ACTR10: variants seen among roughly 807,000 people sequenced by gnomAD.
ACTR10 encodes actin related protein 10.
Under a neutral mutation model 56.2 loss-of-function variants are expected in ACTR10, and 43 were observed. The observed-to-expected ratio is 0.77, with a 90% CI of 0.60 to 0.99. The LOEUF (loss-of-function observed/expected upper bound fraction) is 0.99, where lower values mean the gene tolerates loss of function less well. ACTR10 is among the 50% of genes least tolerant of loss of function. The pLI is 0.00. For missense variants in ACTR10, 466 were observed against 507.8 expected, an observed-to-expected ratio of 0.92 and a Z score of 0.79; for synonymous variants, 170 against 176.3, an observed-to-expected ratio of 0.96 and a Z score of 0.28.
intron 7 of ACTR10, among the ~76,000 whole-genome samples, chr14:58,216,560 A>G (rs994905768): frequency 1.3e-5 from 2 of 152,306 alleles, no homozygotes; most frequent in African/African-American, 4.8e-5. Context: ...TCTACCTCTT[A>G]TCCTTAGGTC....
chr14:58,225,063 G>A (rs1461667565), intron 10 of ACTR10, among the ~76,000 whole-genome samples: 1 of 152,010 alleles, frequency 6.6e-6, no homozygotes, highest in African/African-American at 2.4e-5. Flanking sequence ...TCTATAGTTG[G>A]AATACAAAAT....
rs1889061175 is a variant in ACTR10 at position 58,213,814 on chromosome 14, C to A, written c.518+116C>A. The A allele has an allele frequency of 5.7e-6, 4 of 701,492 alleles. No individual in the cohort carries two copies. In the East Asian group the frequency reaches 1.2e-4, roughly 20 times the overall value. The allele number at this position is 701,492 out of a possible 1,614,324, so 43.5% of individuals were successfully genotyped here. ...TGTGATACGGACAGTGAATTTTATT[C>A]ATTCCGCCCTCTATTAGCTTCGAGT... On this transcript the variant is annotated intron_variant, in intron 6 of 12. Coordinates refer to ENST00000254286, the MANE Select transcript of ACTR10 (RefSeq NM_018477.3).
At position 58,223,653 on chromosome 14, in the gene ACTR10, A is replaced by T; in HGVS notation, c.666A>T (p.Arg222=). 1.2e-6 allele frequency: 2 copies of T among 1,613,560 alleles called. No individual in the cohort carries two copies. ...CTTGCTTTGTAAGTGATCTGAAGCG[A>T]GGACTAAAAATCCAAGCAGCAAAAT... ...ARTCFVSDLK[R]GLKIQAAKFN... The change falls in exon 9 of 13, where the codon CGA becomes CGT. Residue 222 remains arginine, a synonymous_variant. Transcript: ENST00000254286.
rs1283618023 is a variant in ACTR10 at position 58,231,915 on chromosome 14, C to T, written c.871-151C>T. The stretch of plus-strand genomic sequence containing the variant: ...TACATGAAAGAAACCTTGCTGTGGC[C>T]CTTTTTGCGATACAAACGATCACCT... On this transcript the variant is annotated intron_variant, in intron 11 of 12. Coordinates refer to ENST00000254286, the MANE Select transcript of ACTR10 (RefSeq NM_018477.3). 1.3e-5 allele frequency: 5 copies of T among 376,574 alleles called. No homozygotes were observed. The Admixed American group carries it at 2.2e-4, about 17-fold the overall frequency. The allele number at this position is 376,574 out of a possible 1,614,324, so 23.3% of individuals were successfully genotyped here. A position where few individuals can be genotyped will look rare whatever the true frequency, so the allele number is the denominator to read the frequency against.
In ACTR10 at chr14:58,234,406, G is replaced by A; in HGVS notation, c.1109G>A (p.Ser370Asn). 1 of 1,607,722 alleles carries A rather than the reference G, an allele frequency of 6.2e-7. No homozygotes were observed. The highest frequency in any genetic ancestry group is 1.7e-5 in the Admixed American group (1 of 59,674). The change falls in exon 13 of 13, where the codon AGC (serine) becomes AAC (asparagine). Residue 370 changes from serine to asparagine, a missense_variant. By Grantham distance (46) the Ser-to-Asn change is conservative (BLOSUM62 1). Coordinates refer to ENST00000254286, the MANE Select transcript of ACTR10 (RefSeq NM_018477.3). The stretch of plus-strand genomic sequence containing the variant: ...GGAGCATTACAAGATATACTTGGGA[G>A]CCGTTCTGTTTCAAAGGAATATTAT... ...IFGALQDILG[S>N]RSVSKEYYNQ...
rs35498207 is a variant in ACTR10, at chr14:58,228,681, CTTTTTTTTT to C, written c.789-1688_789-1680del. On this transcript the variant is annotated intron_variant, in intron 10 of 12. Transcript: ENST00000254286. ...TAACTACATCTAGTTGCAAGACAGA[CTTTTTTTTT>C]TTTTTTTTTTTTTTTTTTTTTTTTT... 2.7e-4 allele frequency among the ~76,000 whole-genome samples: 11 copies of C among 40,790 alleles called. No individual in the cohort carries two copies. In the East Asian group the frequency reaches 2.9e-3, roughly 11 times the overall value. The allele number at this position is 40,790 out of a possible 152,430, so 26.8% of individuals were successfully genotyped here. A position where few individuals can be genotyped will look rare whatever the true frequency, so the allele number is the denominator to read the frequency against.
At chr14:58,221,280 TAAAAA>T (rs35943337) in intron 8 of ACTR10, among the ~76,000 whole-genome samples, 3 of 108,284 alleles carry the variant, frequency 2.8e-5, no homozygotes, top group Non-Finnish European at 3.7e-5. Flanking sequence ...AGACTCTGTC[TAAAAA>T]AAAAAAAAAA....
intron 6 of ACTR10, 74 bp downstream of exon 6, chr14:58,213,772 G>C: frequency 1.7e-6 from 2 of 1,148,520 alleles, no homozygotes; most frequent in Non-Finnish European, 2.6e-6. Flanking sequence ...TTGTTGATCA[G>C]TGATCAATAG....
chr14:58,221,092 GC>G (rs1451743339), intron 8 of ACTR10, among the ~76,000 whole-genome samples: 2 of 148,902 alleles, frequency 1.3e-5, no homozygotes, highest in African/African-American at 2.5e-5. Flanking sequence ...GACCATTCTG[GC>G]CAACATGGTG....
Position 58,200,311 on chromosome 14 carries a change from C to T in ACTR10, c.77+17C>T. On this transcript the variant is annotated intron_variant, in intron 1 of 12. Coordinates refer to ENST00000254286, the MANE Select transcript of ACTR10 (RefSeq NM_018477.3). ...CTTTACCAAGTGAGTGGCCGTGACG[C>T]CAGCTGTGTTCGACCCGAGGGGAGG... The T allele has an allele frequency of 6.7e-7, 1 of 1,493,802 alleles. No individual in the cohort carries two copies. 92.5% of individuals were successfully genotyped at this position (1,493,802 alleles called of 1,614,324 possible). A position where few individuals can be genotyped will look rare whatever the true frequency, so the allele number is the denominator to read the frequency against.
intron 7 of ACTR10, among the ~76,000 whole-genome samples, chr14:58,216,998 T>C (rs1180728331): frequency 6.6e-6 from 1 of 152,220 alleles, no homozygotes; most frequent in Non-Finnish European, 1.5e-5. Context: ...ACCTATGTTT[T>C]CCTGTTGTTC....
chr14:58,227,744 T>C (rs761665914), intron 10 of ACTR10, among the ~76,000 whole-genome samples: 6 of 152,198 alleles, frequency 3.9e-5, no homozygotes, highest in Admixed American at 2.6e-4. Flanking sequence ...TTGAGTCTCA[T>C]GAAGAGGATT....
At chr14:58,222,481 C>T (rs1404994075) in intron 8 of ACTR10, among the ~76,000 whole-genome samples, 3 of 152,002 alleles carry the variant, frequency 2.0e-5, no homozygotes, top group Non-Finnish European at 2.9e-5. Flanking sequence ...TGGCATTGTA[C>T]CAGCCAGGCG....
intron 8 of ACTR10, among the ~76,000 whole-genome samples, chr14:58,221,907 C>T (rs960533747): frequency 6.6e-6 from 1 of 151,974 alleles, no homozygotes; most frequent in Non-Finnish European, 1.5e-5. Context: ...AAGTCAGTCT[C>T]GACTCCATCT....
intron 10 of ACTR10, among the ~76,000 whole-genome samples, chr14:58,225,712 C>CTTT (rs879692273): frequency 7.0e-6 from 1 of 143,782 alleles, no homozygotes. Context: ...GTTCACACTT[C>CTTT]TTTTTTTTTT....
In ACTR10 at chr14:58,211,076, C is replaced by T. The variant is rs892975072; in HGVS notation, c.343-216C>T. ...GTCATTTTGGAATGAAACAGTTGAG[C>T]TATTTTTATTACAGTGTATTTTGGT... On this transcript the variant is annotated intron_variant, in intron 4 of 12. Coordinates refer to ENST00000254286, the MANE Select transcript of ACTR10 (RefSeq NM_018477.3). 1.7e-5 allele frequency: 7 copies of T among 400,338 alleles called. No homozygotes were observed. The Admixed American group carries it at 2.9e-4, about 16-fold the overall frequency. The allele number at this position is 400,338 out of a possible 1,614,324, so 24.8% of individuals were successfully genotyped here. A position where few individuals can be genotyped will look rare whatever the true frequency, so the allele number is the denominator to read the frequency against.
At chr14:58,233,781 G>A (rs1320120122) in intron 12 of ACTR10, among the ~76,000 whole-genome samples, 1 of 152,208 alleles carries the variant, frequency 6.6e-6, no homozygotes, top group East Asian at 1.9e-4. Context: ...AAGGTATCAG[G>A]ATTGTGCATT....
intron 10 of ACTR10, among the ~76,000 whole-genome samples, chr14:58,227,729 G>A (rs1478073765): frequency 6.6e-6 from 1 of 152,174 alleles, no homozygotes; most frequent in Admixed American, 6.5e-5. Flanking sequence ...AAATTAGCTA[G>A]TAGATTGAGT....
chr14:58,214,704 T>G (rs960418795), intron 6 of ACTR10, among the ~76,000 whole-genome samples: 1 of 146,862 alleles, frequency 6.8e-6, no homozygotes. Flanking sequence ...TTGGCCAGGC[T>G]GTTCTCAAAC....
Sources: gnomAD v4.1 joint callset for allele counts (sites outside exome capture counted in the v4.1 genomes callset) on GRCh38, gnomAD v4.1.1 for gene constraint, MANE v1.5 for transcripts, NCBI Gene and HGNC (gene_info 2026-07-23, HGNC 2026-07-21) for gene names.